Variants in CMIP observed in about 807,000 individuals in gnomAD.
CMIP encodes the protein c-Maf inducing protein, also known as C-Maf-inducing protein.
A neutral mutation model predicts 97.3 loss-of-function variants in CMIP; 13 were observed. That is an observed-to-expected ratio of 0.13 (90% CI 0.09 to 0.21). The LOEUF (loss-of-function observed/expected upper bound fraction) is 0.21. Among genes scored for constraint, CMIP ranks in the 10% least tolerant of loss-of-function variants. The pLI is 1.00. For missense variants in CMIP, 847 were observed against 1,024.9 expected (o/e 0.83, Z 2.37); for synonymous variants, 538 against 436.3 (o/e 1.23, Z -2.91).
At chr16:81,461,234 C>T (rs995992645) in intron 1 of CMIP, among the ~76,000 whole-genome samples, 6 of 152,186 alleles carry the variant, frequency 3.9e-5, no homozygotes, top group Non-Finnish European at 8.8e-5. Context: ...GCTGGGCAGA[C>T]AGCCTTGATT....
chr16:81,545,101 G>A (rs62046625), intron 1 of CMIP, among the ~76,000 whole-genome samples: 18,118 of 152,060 alleles, frequency 0.12, 1,175 homozygotes, highest in East Asian at 0.21. Flanking sequence ...AAGATGCCAG[G>A]CCCACAGCCA....
At chr16:81,560,212 T>G (rs1463579558) in intron 1 of CMIP, among the ~76,000 whole-genome samples, 1 of 109,862 alleles carries the variant, frequency 9.1e-6, no homozygotes, top group South Asian at 3.2e-4. Flanking sequence ...GTTTTGTTTT[T>G]GTTTTGTTTT....
intron 1 of CMIP, among the ~76,000 whole-genome samples, chr16:81,549,901 T>C (rs911744014): frequency 3.3e-5 from 5 of 152,252 alleles, no homozygotes; most frequent in Admixed American, 6.5e-5. Flanking sequence ...AATGTGTGTG[T>C]GCAGTGTGCT....
chr16:81,509,598 C>T (rs964877319), intron 1 of CMIP, among the ~76,000 whole-genome samples: 5 of 152,188 alleles, frequency 3.3e-5, no homozygotes, highest in African/African-American at 4.8e-5. Context: ...CCACTCTGTC[C>T]GCCTCCCTCT....
intron 1 of CMIP, among the ~76,000 whole-genome samples, chr16:81,540,873 G>C (rs1334539792): frequency 6.6e-6 from 1 of 151,704 alleles, no homozygotes; most frequent in African/African-American, 2.4e-5. Context: ...GTAGAGACAG[G>C]GTTTCACCGT....
At chr16:81,471,483 CAG>C (rs1907548648) in intron 1 of CMIP, among the ~76,000 whole-genome samples, 2 of 152,162 alleles carry the variant, frequency 1.3e-5, no homozygotes, top group South Asian at 2.1e-4. Context: ...GACATGCACA[CAG>C]ATACATAGGC....
Position 81,652,429 on chromosome 16 carries a change from T to G in CMIP, c.639+65T>G. 1 of 1,423,032 alleles carries G rather than the reference T, an allele frequency of 7.0e-7. No homozygotes were observed. Among genetic ancestry groups the G allele is most frequent in the East Asian group, 2.3e-5 (1 of 43,472 alleles). 88.2% of individuals were successfully genotyped at this position (1,423,032 alleles called of 1,614,324 possible). ...TTCCCTCCACCGATCACCGGCTCCA[T>G]GCCAAGCAGCAGGCGCAGGCAGAGC... On this transcript the variant is annotated intron_variant, in intron 4 of 20. Coordinates refer to ENST00000537098, the MANE Select transcript of CMIP (RefSeq NM_198390.3). This position sits in a 1 kb window ranked among gnomAD's most constrained non-coding sequence, Gnocchi z 5.2.
chr16:81,457,076 G>A (rs1055135645), intron 1 of CMIP, among the ~76,000 whole-genome samples: 7 of 152,284 alleles, frequency 4.6e-5, no homozygotes, highest in African/African-American at 1.7e-4. Context: ...AAAGTCTACT[G>A]TGGAGCGAGC....
At chr16:81,703,761 G>T in intron 17 of CMIP, 178 bp from the exon 18 acceptor site, 1 of 760,224 alleles carries the variant, frequency 1.3e-6, no homozygotes, top group Non-Finnish European at 2.0e-6. Context: ...TCCCTCTCTG[G>T]CCACCCCCTT....
chr16:81,647,500 G>A (rs766324812), intron 3 of CMIP, among the ~76,000 whole-genome samples: 1 of 152,108 alleles, frequency 6.6e-6, no homozygotes, highest in Non-Finnish European at 1.5e-5. Flanking sequence ...ACACCAGGTC[G>A]TGTGCCCAGC....
chr16:81,445,262 G>GGGCGGC lies in CMIP; in HGVS notation c.29_34dup (p.Gly10_Gly11dup), dbSNP rs753190612. On this transcript the variant is annotated inframe_insertion, in exon 1 of 21. Coordinates refer to ENST00000537098, the MANE Select transcript of CMIP (RefSeq NM_198390.3). ...CGGCCATGGATGTGACCAGCAGCTC[G>GGGCGGC]GGCGGCGGCGGCGACCCCCGGCAGA... 2 of 1,533,774 alleles carry GGGCGGC rather than the reference G, an allele frequency of 1.3e-6. No individual in the cohort carries two copies. The highest frequency in any genetic ancestry group is 2.4e-5 in the South Asian group (2 of 83,684).
intron 1 of CMIP, among the ~76,000 whole-genome samples, chr16:81,455,109 G>A (rs918393604): frequency 6.6e-6 from 1 of 152,252 alleles, no homozygotes; most frequent in Admixed American, 6.5e-5. Context: ...CCCTGGGGCG[G>A]GTGGTGCTTT....
At chr16:81,601,110 A>G (rs1426983628) in intron 1 of CMIP, among the ~76,000 whole-genome samples, 2 of 152,170 alleles carry the variant, frequency 1.3e-5, no homozygotes, top group East Asian at 1.9e-4. Context: ...AGGGCCACAC[A>G]TGCCCCATGA....
At chr16:81,465,285 G>A (rs1173912127) in intron 1 of CMIP, among the ~76,000 whole-genome samples, 1 of 152,174 alleles carries the variant, frequency 6.6e-6, no homozygotes, top group Admixed American at 6.5e-5. Flanking sequence ...GCTGTACCTG[G>A]ACAGTCTTTG....
rs59087161 is a variant in CMIP at position 81,615,636 on chromosome 16, CTG to C, written c.427-5238_427-5237del. 7.7e-3 allele frequency among the ~76,000 whole-genome samples: 1,042 copies of C among 135,408 alleles called. 14 individuals are homozygous for C. Among genetic ancestry groups the C allele is most frequent in the African/African-American group, 0.027 (954 of 35,622 alleles). 88.8% of individuals were successfully genotyped at this position (135,408 alleles called of 152,430 possible). A position where few individuals can be genotyped will look rare whatever the true frequency, so the allele number is the denominator to read the frequency against. On this transcript the variant is annotated intron_variant, in intron 2 of 20. Coordinates refer to ENST00000537098, the MANE Select transcript of CMIP (RefSeq NM_198390.3). ...TTGTGTGGTGTGTGTGTATGTGTAACTGTATGGTGTGTGTATGTGTGTGGTGT... is the reference window on the plus strand; with the variant it reads ...TTGTGTGGTGTGTGTGTATGTGTAACTATGGTGTGTGTATGTGTGTGGTGT...
intron 1 of CMIP, among the ~76,000 whole-genome samples, chr16:81,549,209 A>G (rs1483889552): frequency 2.0e-5 from 3 of 152,222 alleles, no homozygotes; most frequent in Non-Finnish European, 2.9e-5. Context: ...GAGCCGGTCA[A>G]CCTGCAGGAG....
intron 6 of CMIP, among the ~76,000 whole-genome samples, chr16:81,663,814 A>C (rs1243936340): frequency 6.6e-6 from 1 of 152,066 alleles, no homozygotes; most frequent in Non-Finnish European, 1.5e-5. Flanking sequence ...GGTGCACTTT[A>C]CCCCCTGCCC....
intron 1 of CMIP, chr16:81,495,224 C>A (rs1300901435): frequency 9.3e-7 from 1 of 1,071,826 alleles, no homozygotes; most frequent in African/African-American, 1.6e-5. Flanking sequence ...CATAGGGTTT[C>A]TCAGTGAAAC....
At chr16:81,520,407 C>G (rs1337521355) in intron 1 of CMIP, 1 of 152,154 alleles carries the variant, frequency 6.6e-6, no homozygotes, top group Non-Finnish European at 1.5e-5. Context: ...TAAAATAATG[C>G]TTATTAAAAA....
Sources: allele counts gnomAD v4.1 joint callset (sites outside exome capture counted in the v4.1 genomes callset), GRCh38; gene constraint gnomAD v4.1.1; non-coding constraint Gnocchi (gnomAD v3.1); transcripts MANE v1.5; gene names NCBI Gene and HGNC (gene_info 2026-07-23, HGNC 2026-07-21).